Variants in AKT3 observed in about 807,000 individuals in gnomAD.
The protein encoded by AKT3 is RAC-gamma serine/threonine-protein kinase.
A neutral mutation model predicts 65.3 loss-of-function variants in AKT3; 15 were observed. The observed-to-expected ratio is 0.23, with a 90% CI of 0.15 to 0.35. AKT3 has a LOEUF of 0.35. AKT3 is among the 10% of genes least tolerant of loss of function. The pLI is 1.00. For missense variants in AKT3, 243 were observed against 576.5 expected (o/e 0.42, Z 5.92); for synonymous variants, 206 against 183.8 (o/e 1.12, Z -0.98).
At chr1:243,676,022 C>T (rs1683487306) in intron 3 of AKT3, among the ~76,000 whole-genome samples, 1 of 152,150 alleles carries the variant, frequency 6.6e-6, no homozygotes, top group South Asian at 2.1e-4. Context: ...AAACAAGGTG[C>T]CTATTTTCCA....
intron 2 of AKT3, among the ~76,000 whole-genome samples, chr1:243,702,227 C>G (rs533399150): frequency 6.6e-6 from 1 of 151,572 alleles, no homozygotes; most frequent in South Asian, 2.1e-4. Context: ...AAAGGTACAA[C>G]AAATTGTTGT....
At chr1:243,511,715 C>A (rs894476810) in intron 13 of AKT3, among the ~76,000 whole-genome samples, 4 of 152,132 alleles carry the variant, frequency 2.6e-5, no homozygotes, top group South Asian at 2.1e-4. Context: ...CATTACAGCT[C>A]CACTTATTTA....
At chr1:243,679,411 A>G (rs1276868665) in intron 3 of AKT3, among the ~76,000 whole-genome samples, 1 of 152,182 alleles carries the variant, frequency 6.6e-6, no homozygotes, top group African/African-American at 2.4e-5. Flanking sequence ...TCTCCCAGAG[A>G]AAACTGACCA....
intron 2 of AKT3, among the ~76,000 whole-genome samples, chr1:243,748,955 A>G (rs1688640332): frequency 1.3e-5 from 2 of 152,154 alleles, no homozygotes; most frequent in Admixed American, 6.5e-5. Context: ...AGTACCTAGC[A>G]TATGGCAGGC....
At chr1:243,520,766 T>C (rs534195380) in intron 12 of AKT3, among the ~76,000 whole-genome samples, 1 of 152,344 alleles carries the variant, frequency 6.6e-6, no homozygotes, top group African/African-American at 2.4e-5. Flanking sequence ...AGACATCAAT[T>C]TCATCTCACT....
chr1:243,502,022 C>A lies in AKT3; in HGVS notation c.*3227G>T, dbSNP rs1243405752. ...CCAGATGACTAGATCTTGCGCAGAT[C>A]TAATGAAAGAACTAGCAAGGTCAAG... is the stretch of plus-strand genomic sequence containing the variant. On this transcript the variant is annotated 3_prime_UTR_variant, in exon 14 of 14. Transcript: ENST00000673466. The A allele has an allele frequency of 2.2e-5, 5 of 232,444 alleles. No homozygotes were observed. The highest frequency in any genetic ancestry group is 3.4e-5 in the Non-Finnish European group (4 of 117,708). 14.4% of individuals were successfully genotyped at this position (232,444 alleles called of 1,614,324 possible). A position where few individuals can be genotyped will look rare whatever the true frequency, so the allele number is the denominator to read the frequency against.
At chr1:243,721,579 T>C (rs1012630448) in intron 2 of AKT3, among the ~76,000 whole-genome samples, 7 of 152,088 alleles carry the variant, frequency 4.6e-5, no homozygotes, top group African/African-American at 1.7e-4. Flanking sequence ...CCATAACCCT[T>C]ATGATGGGGA....
At chr1:243,633,413 T>A (rs1381978624) in intron 6 of AKT3, among the ~76,000 whole-genome samples, 1 of 152,148 alleles carries the variant, frequency 6.6e-6, no homozygotes, top group Non-Finnish European at 1.5e-5. Flanking sequence ...TTCTACATGA[T>A]TAAAGAGACT....
intron 4 of AKT3, among the ~76,000 whole-genome samples, chr1:243,659,263 G>A (rs942683518): frequency 3.9e-5 from 6 of 152,134 alleles, no homozygotes; most frequent in Non-Finnish European, 8.8e-5. Context: ...CAGGGGCTGG[G>A]GGTATGGGAA....
At chr1:243,527,870 A>AACACACACACACAC (rs56956606) in intron 12 of AKT3, among the ~76,000 whole-genome samples, 3 of 99,212 alleles carry the variant, frequency 3.0e-5, no homozygotes, top group Admixed American at 1.1e-4. Context: ...CATCTCTTAA[A>AACACACACACACAC]ACACACACAC....
intron 8 of AKT3, among the ~76,000 whole-genome samples, chr1:243,611,565 T>C (rs1016246517): frequency 2.0e-5 from 3 of 151,982 alleles, no homozygotes; most frequent in Non-Finnish European, 2.9e-5. Flanking sequence ...ATGCCTGTAG[T>C]CCCAGTTACA....
intron 6 of AKT3, among the ~76,000 whole-genome samples, chr1:243,636,627 T>G (rs372475555): frequency 6.6e-6 from 1 of 152,124 alleles, no homozygotes; most frequent in African/African-American, 2.4e-5. Context: ...GGCTTCTACC[T>G]GGTAACTGTC....
chr1:243,564,386 C>T (rs1013322866), intron 9 of AKT3, among the ~76,000 whole-genome samples: 2 of 152,104 alleles, frequency 1.3e-5, no homozygotes, highest in African/African-American at 4.8e-5. Context: ...GAAATACCAA[C>T]CCTTTTAAAT....
At chr1:243,823,446 A>T (rs1693977845) in intron 2 of AKT3, among the ~76,000 whole-genome samples, 1 of 152,176 alleles carries the variant, frequency 6.6e-6, no homozygotes, top group South Asian at 2.1e-4. Context: ...GAGAGAAATT[A>T]AGTGTATTCA....
chr1:243,577,332 A>T (rs1574640162), intron 8 of AKT3, among the ~76,000 whole-genome samples: 1 of 152,116 alleles, frequency 6.6e-6, no homozygotes, highest in East Asian at 1.9e-4. Flanking sequence ...TTTTTAGTAG[A>T]GATGGGGTTT....
At chr1:243,550,130 T>C (rs1404517515) in intron 11 of AKT3, among the ~76,000 whole-genome samples, 2 of 152,210 alleles carry the variant, frequency 1.3e-5, no homozygotes, top group Admixed American at 1.3e-4. Flanking sequence ...AACAGTACTT[T>C]GTATGTAGTT....
chr1:243,628,275 G>A (rs1347618640), intron 6 of AKT3, among the ~76,000 whole-genome samples: 2 of 152,088 alleles, frequency 1.3e-5, no homozygotes, highest in Admixed American at 6.5e-5. Context: ...AATGCAAGAA[G>A]ACACTTACCA....
At chr1:243,539,210 T>G (rs1321122958) in intron 12 of AKT3, among the ~76,000 whole-genome samples, 1 of 152,020 alleles carries the variant, frequency 6.6e-6, no homozygotes, top group Non-Finnish European at 1.5e-5. Flanking sequence ...CCAAGTCCAA[T>G]CCCTCCTCTT....
At chr1:243,642,447 C>T (rs904172675) in intron 5 of AKT3, among the ~76,000 whole-genome samples, 3 of 152,096 alleles carry the variant, frequency 2.0e-5, no homozygotes, top group Admixed American at 1.3e-4. Context: ...GTAGCTGGGA[C>T]TACAGGCGCC....
Sources: gnomAD v4.1 joint callset for allele counts (sites outside exome capture counted in the v4.1 genomes callset) on GRCh38, gnomAD v4.1.1 for gene constraint, MANE v1.5 for transcripts, NCBI Gene and HGNC (gene_info 2026-07-23, HGNC 2026-07-21) for gene names.